The following PPP1R16B variants were observed in gnomAD, a reference collection of about 807,000 sequenced individuals.
PPP1R16B encodes the protein protein phosphatase 1 regulatory subunit 16B.
In PPP1R16B, 14 loss-of-function variants were observed where a neutral mutation model predicts 61.7. The observed-to-expected ratio is 0.23, with a 90% CI of 0.15 to 0.35. The LOEUF (loss-of-function observed/expected upper bound fraction) is 0.35, where lower values mean the gene tolerates loss of function less well. Ranked by LOEUF, PPP1R16B falls within the 10% of genes least tolerant of loss-of-function variation. The probability of loss-of-function intolerance (pLI) is 1.00; values close to 1 mark genes in which losing one functional copy is unlikely to be tolerated. For missense variants in PPP1R16B, 547 were observed against 752.5 expected (o/e 0.73, Z 3.19); for synonymous variants, 266 against 305.3 (o/e 0.87, Z 1.34).
intron 2 of PPP1R16B, among the ~76,000 whole-genome samples, chr20:38,861,466 G>A (rs144963845): frequency 2.7e-3 from 416 of 152,222 alleles, no homozygotes; most frequent in Non-Finnish European, 4.2e-3. Context: ...CTCCACCTGG[G>A]GGGCTAGGCT....
At position 38,918,687 on chromosome 20, in the gene PPP1R16B, G is replaced by C. The variant is rs1054938469; in HGVS notation, c.*21G>C. 6.7e-7 allele frequency: 1 copy of C among 1,494,604 alleles called. No homozygotes were observed. The highest frequency in any genetic ancestry group is 8.9e-7 in the Non-Finnish European group (1 of 1,125,814). 92.6% of individuals were successfully genotyped at this position (1,494,604 alleles called of 1,614,324 possible). A position where few individuals can be genotyped will look rare whatever the true frequency, so the allele number is the denominator to read the frequency against. ...CCTAGTCTCCGTGTGATGGAGGAGGGAGATGCCTGGGGAGGGGCTCCTGGA... is the reference window on the plus strand; with the variant it reads ...CCTAGTCTCCGTGTGATGGAGGAGGCAGATGCCTGGGGAGGGGCTCCTGGA... On this transcript the variant is annotated 3_prime_UTR_variant, in exon 11 of 11. Transcript: ENST00000299824. This position sits in a 1 kb window ranked among gnomAD's most constrained non-coding sequence, Gnocchi z 5.3.
chr20:38,914,952 G>A (rs1601318232), intron 10 of PPP1R16B, among the ~76,000 whole-genome samples: 1 of 152,186 alleles, frequency 6.6e-6, no homozygotes, highest in East Asian at 1.9e-4. Context: ...ACAGGCATGA[G>A]CCACTGCACC....
At chr20:38,891,333 T>C (rs1228466033) in intron 3 of PPP1R16B, among the ~76,000 whole-genome samples, 2 of 152,192 alleles carry the variant, frequency 1.3e-5, no homozygotes, top group African/African-American at 4.8e-5. Context: ...CCCATCTCAT[T>C]GGGTGGTTGT....
At chr20:38,820,650 G>A (rs2084767405) in intron 1 of PPP1R16B, among the ~76,000 whole-genome samples, 1 of 151,998 alleles carries the variant, frequency 6.6e-6, no homozygotes, top group Admixed American at 6.6e-5. Context: ...ATAAGACATT[G>A]CTGAACAGTT....
chr20:38,864,909 A>G (rs1168193022), intron 2 of PPP1R16B, among the ~76,000 whole-genome samples: 1 of 152,178 alleles, frequency 6.6e-6, no homozygotes, highest in African/African-American at 2.4e-5. Flanking sequence ...CGATTTGCAG[A>G]CTGCCGGTTT....
At chr20:38,879,820 A>G (rs2085192390) in intron 2 of PPP1R16B, among the ~76,000 whole-genome samples, 1 of 152,160 alleles carries the variant, frequency 6.6e-6, no homozygotes, top group African/African-American at 2.4e-5. Context: ...TCTAGAAGGG[A>G]GCAGGTTTAT....
At chr20:38,812,981 G>T (rs151199747) in intron 1 of PPP1R16B, among the ~76,000 whole-genome samples, 1 of 152,140 alleles carries the variant, frequency 6.6e-6, no homozygotes, top group Non-Finnish European at 1.5e-5. Flanking sequence ...CTCCCAGGGG[G>T]TGTCAAGCTG....
At chr20:38,838,762 G>A (rs1348603678) in intron 2 of PPP1R16B, among the ~76,000 whole-genome samples, 1 of 152,176 alleles carries the variant, frequency 6.6e-6, no homozygotes, top group Non-Finnish European at 1.5e-5. Context: ...TGGGCTGCGG[G>A]CTTCAGACCA....
intron 2 of PPP1R16B, among the ~76,000 whole-genome samples, chr20:38,848,999 A>G (rs2084951449): frequency 1.3e-5 from 2 of 152,262 alleles, no homozygotes; most frequent in South Asian, 4.1e-4. Context: ...AATTTGGACC[A>G]AAGTGATATG....
intron 4 of PPP1R16B, among the ~76,000 whole-genome samples, chr20:38,897,405 T>C (rs951324622): frequency 4.6e-5 from 7 of 152,232 alleles, no homozygotes; most frequent in Non-Finnish European, 7.3e-5. Flanking sequence ...GTCCTCAAGG[T>C]TCATCTATGT....
At chr20:38,817,140 C>A (rs1275175149) in intron 1 of PPP1R16B, among the ~76,000 whole-genome samples, 1 of 152,228 alleles carries the variant, frequency 6.6e-6, no homozygotes, top group South Asian at 2.1e-4. Flanking sequence ...ATGGAAGAGG[C>A]AGATCTGAAA....
At chr20:38,829,899 G>A (rs935340631) in intron 1 of PPP1R16B, among the ~76,000 whole-genome samples, 3 of 152,254 alleles carry the variant, frequency 2.0e-5, no homozygotes, top group African/African-American at 7.2e-5. Context: ...CCAGCTCCAA[G>A]GAACCCAGAG....
intron 2 of PPP1R16B, among the ~76,000 whole-genome samples, chr20:38,844,079 C>T (rs1465639705): frequency 6.6e-6 from 1 of 152,100 alleles, no homozygotes; most frequent in African/African-American, 2.4e-5. Flanking sequence ...ATCCATTGGT[C>T]TGTCTGGCAT....
At chr20:38,915,910 G>GC (rs2085533538) in intron 10 of PPP1R16B, among the ~76,000 whole-genome samples, 1 of 151,562 alleles carries the variant, frequency 6.6e-6, no homozygotes, top group South Asian at 2.1e-4. Flanking sequence ...CAAATTGCAG[G>GC]CCCCAACCCA....
intron 1 of PPP1R16B, among the ~76,000 whole-genome samples, chr20:38,831,100 C>T (rs1224165492): frequency 6.6e-6 from 1 of 152,210 alleles, no homozygotes; most frequent in Non-Finnish European, 1.5e-5. Flanking sequence ...CCTGAGACAG[C>T]CATTGACCAC....
At chr20:38,889,118 G>A (rs548944301) in intron 2 of PPP1R16B, among the ~76,000 whole-genome samples, 4 of 152,152 alleles carry the variant, frequency 2.6e-5, no homozygotes, top group African/African-American at 9.6e-5. Flanking sequence ...CCACATGCTG[G>A]CCACTGTGCT....
At chr20:38,916,447 T>TTA (rs537097474) in intron 10 of PPP1R16B, among the ~76,000 whole-genome samples, 1,902 of 149,642 alleles carry the variant, frequency 0.013, 38 homozygotes, top group African/African-American at 0.044. Flanking sequence ...ATAAACTAGA[T>TTA]TATATATATA....
At chr20:38,904,700 G>A (rs1376646949) in intron 6 of PPP1R16B, among the ~76,000 whole-genome samples, 1 of 151,614 alleles carries the variant, frequency 6.6e-6, no homozygotes, top group Admixed American at 6.6e-5. Context: ...AGGATGAGGT[G>A]GCATCTGACC....
At chr20:38,855,957 G>T (rs1424978805) in intron 2 of PPP1R16B, among the ~76,000 whole-genome samples, 1 of 99,922 alleles carries the variant, frequency 1.0e-5, no homozygotes, top group Non-Finnish European at 2.0e-5. Context: ...GAGAGAGAGA[G>T]AGAGAGAGAG....
Sources: gnomAD v4.1 joint callset for allele counts (sites outside exome capture counted in the v4.1 genomes callset) on GRCh38, gnomAD v4.1.1 for gene constraint, Gnocchi (gnomAD v3.1) non-coding constraint, MANE v1.5 for transcripts, NCBI Gene and HGNC (gene_info 2026-07-23, HGNC 2026-07-21) for gene names.